The following VWF variants were observed in gnomAD, a reference collection of about 807,000 sequenced individuals.
The protein encoded by VWF is Factor VIII related antigen.
In VWF, 176 loss-of-function variants were observed where a neutral mutation model predicts 308.6. The ratio of observed to expected loss-of-function variants is 0.57; its 90% CI spans 0.50 to 0.65. The LOEUF (loss-of-function observed/expected upper bound fraction) is 0.65. Ranked by LOEUF, VWF falls within the 30% of genes least tolerant of loss-of-function variation. The pLI, the probability that VWF is intolerant of heterozygous loss-of-function variation, is 0.00. For synonymous variants in VWF, 1,385 were observed against 1,443.4 expected (o/e 0.96, Z 0.92); for missense variants, 3,146 against 3,648.2 (o/e 0.86, Z 3.55).
intron 38 of VWF, among the ~76,000 whole-genome samples, chr12:5,991,382 C>A (rs1662238320): frequency 6.6e-6 from 1 of 152,112 alleles, no homozygotes. Context: ...ACTGTTAATA[C>A]CCTGCAAAAT....
intron 6 of VWF, among the ~76,000 whole-genome samples, chr12:6,093,808 G>A (rs1945076486): frequency 6.6e-6 from 1 of 152,226 alleles, no homozygotes; most frequent in South Asian, 2.1e-4. Flanking sequence ...ATCTTTACCT[G>A]TGGCAGGTGA....
At chr12:5,976,777 G>C (rs564976268) in intron 42 of VWF, among the ~76,000 whole-genome samples, 2 of 152,220 alleles carry the variant, frequency 1.3e-5, no homozygotes, top group African/African-American at 4.8e-5. Flanking sequence ...ATGTTTGAGA[G>C]ACAAGGGATC....
intron 38 of VWF, among the ~76,000 whole-genome samples, chr12:5,987,252 T>G (rs1293240153): frequency 2.0e-5 from 3 of 152,240 alleles, no homozygotes; most frequent in African/African-American, 7.2e-5. Flanking sequence ...TAAACCACCA[T>G]GCTCTGCTGC....
intron 40 of VWF, among the ~76,000 whole-genome samples, chr12:5,984,749 G>A (rs1442505994): frequency 6.6e-6 from 1 of 152,196 alleles, no homozygotes; most frequent in African/African-American, 2.4e-5. Flanking sequence ...ATGAAAATGG[G>A]TTGCTTTGGC....
intron 17 of VWF, among the ~76,000 whole-genome samples, chr12:6,045,279 C>T (rs988483800): frequency 2.6e-5 from 4 of 152,220 alleles, no homozygotes; most frequent in Admixed American, 6.5e-5. Flanking sequence ...ACTCGCTCCT[C>T]TGGGCAAAAC....
chr12:6,095,093 C>T (rs966833211), intron 6 of VWF, among the ~76,000 whole-genome samples: 7 of 151,980 alleles, frequency 4.6e-5, no homozygotes, highest in Admixed American at 1.3e-4. Flanking sequence ...CCACAGGACC[C>T]GGCTTCAGGT....
intron 19 of VWF, among the ~76,000 whole-genome samples, chr12:6,036,090 T>G (rs543072528): frequency 1.3e-5 from 2 of 152,364 alleles, no homozygotes; most frequent in East Asian, 3.9e-4. Flanking sequence ...TCATTATGTA[T>G]ATGCAAATAT....
At chr12:6,023,860 A>G in intron 24 of VWF, 73 bp from the exon 25 acceptor site, 1 of 1,561,478 alleles carries the variant, frequency 6.4e-7, no homozygotes, top group Non-Finnish European at 8.7e-7. Flanking sequence ...TCTGGGTGCA[A>G]ATGTTCTGAT....
chr12:6,057,791 C>G, intron 14 of VWF, 58 bp downstream of exon 14: 2 of 1,545,730 alleles, frequency 1.3e-6, no homozygotes, highest in Non-Finnish European at 8.7e-7. Context: ...ACGCACTGCA[C>G]TAATGTGGAG....
chr12:6,075,410 C>A lies in VWF; in HGVS notation c.799G>T (p.Ala267Ser). 1 of 1,614,156 alleles carries A rather than the reference C, an allele frequency of 6.2e-7. No individual in the cohort carries two copies. Among genetic ancestry groups the A allele is most frequent in the Non-Finnish European group, 8.5e-7 (1 of 1,180,016 alleles). ...CAGGTCCGGGCGTACTCCAGGAGGG[C>A]AGGGCAGGCGCACTCCAGCCCCCCA... The part of the protein sequence containing the change: ...CAGGLECACP[A>S]LLEYARTCAQ... The change falls in exon 7 of 52, where the codon GCC (alanine) becomes TCC (serine). Residue 267 changes from alanine (A) to serine (S), a missense_variant. Physicochemically the swap from Ala to Ser is moderately conservative, Grantham distance 99. Around this residue, in one of 3 missense-constraint regions of VWF, gnomAD observed 1,304 missense variants for 1,353.0 expected, o/e 0.96. Transcript: ENST00000261405. The surrounding 1 kb of genome is among the most constrained non-coding windows in gnomAD (Gnocchi z 4.7).
Position 5,985,032 on chromosome 12 carries a change from G to A in VWF, c.6976+13C>T. On this transcript the variant is annotated intron_variant, in intron 40 of 51. Transcript: ENST00000261405. ...GTTGGGCCCTGGAGACATCCCCCTG[G>A]TGGGACACATACCACACTCATACTC... The A allele has an allele frequency of 6.2e-7, 1 of 1,614,064 alleles. No individual in the cohort carries two copies. Among genetic ancestry groups the A allele is most frequent in the Non-Finnish European group, 8.5e-7 (1 of 1,179,930 alleles).
At chr12:5,960,966 T>C (rs1314325004) in intron 47 of VWF, among the ~76,000 whole-genome samples, 1 of 152,114 alleles carries the variant, frequency 6.6e-6, no homozygotes, top group Non-Finnish European at 1.5e-5. Flanking sequence ...TCCCCATCAC[T>C]CACATTACCA....
intron 6 of VWF, among the ~76,000 whole-genome samples, chr12:6,089,982 G>A (rs1945013017): frequency 6.6e-6 from 1 of 151,868 alleles, no homozygotes; most frequent in South Asian, 2.1e-4. Flanking sequence ...GTTTGAGATG[G>A]AGTCTCGCTG....
intron 3 of VWF, among the ~76,000 whole-genome samples, chr12:6,117,806 C>T (rs991820390): frequency 2.0e-4 from 31 of 152,282 alleles, no homozygotes; most frequent in African/African-American, 6.7e-4. Context: ...CTGGACAACA[C>T]GAGCGAGATT....
rs566735508 is a variant in VWF, at chr12:6,018,103, T to A, written c.5053+262A>T. ...CTCCTTATTGGCATTGTTTAAATGTTAACAATAGGCTTCCATTACCTTTGA... is the reference window on the plus strand; with the variant it reads ...CTCCTTATTGGCATTGTTTAAATGTAAACAATAGGCTTCCATTACCTTTGA... On this transcript the variant is annotated intron_variant, in intron 28 of 51. Transcript: ENST00000261405. 7.7e-4 allele frequency among the ~76,000 whole-genome samples: 117 copies of A among 151,854 alleles called. 1 individual carries two copies. The South Asian group carries it at 0.023, about 30-fold the overall frequency.
At chr12:6,074,857 C>A (rs556359310) in intron 7 of VWF, among the ~76,000 whole-genome samples, 2 of 152,276 alleles carry the variant, frequency 1.3e-5, no homozygotes, top group Non-Finnish European at 2.9e-5. Context: ...GGAGGGATAG[C>A]GGTCATTAGC....
chr12:6,060,378 C>G lies in VWF; in HGVS notation c.1534-2334G>C, dbSNP rs1464206346. On this transcript the variant is annotated intron_variant, in intron 13 of 51. Coordinates refer to ENST00000261405, the MANE Select transcript of VWF (RefSeq NM_000552.5). This position sits in a 1 kb window ranked among gnomAD's most constrained non-coding sequence, Gnocchi z 5.1. ...ACATAACACACCCAGGGGAAGGAGA[C>G]CGGGGGGCCCCTAGCTGCACCTCCT... Among the ~76,000 whole-genome samples, 1 of 152,064 alleles carries G rather than the reference C, an allele frequency of 6.6e-6. No individual in the cohort carries two copies. Among genetic ancestry groups the G allele is most frequent in the Non-Finnish European group, 1.5e-5 (1 of 67,998 alleles).
At chr12:6,084,188 C>A (rs1944945346) in intron 6 of VWF, among the ~76,000 whole-genome samples, 1 of 152,300 alleles carries the variant, frequency 6.6e-6, no homozygotes, top group Admixed American at 6.5e-5. Context: ...GAGATGACAC[C>A]AGGAAATCAA....
intron 34 of VWF, among the ~76,000 whole-genome samples, chr12:5,999,678 A>T (rs1943850306): frequency 6.6e-6 from 1 of 152,212 alleles, no homozygotes; most frequent in African/African-American, 2.4e-5. Flanking sequence ...CAAAAAGGAA[A>T]AAACAAAAAA....
Sources: allele counts gnomAD v4.1 joint callset (sites outside exome capture counted in the v4.1 genomes callset), GRCh38; gene constraint gnomAD v4.1.1; regional missense constraint gnomAD v4.1.1; non-coding constraint Gnocchi (gnomAD v3.1); transcripts MANE v1.5; gene names NCBI Gene and HGNC (gene_info 2026-07-23, HGNC 2026-07-21).